The following EGFR variants were observed in gnomAD, a reference collection of about 807,000 sequenced individuals.
EGFR encodes epidermal growth factor receptor, also known as avian erythroblastic leukemia viral (v-erb-b) oncogene homolog.
A neutral mutation model predicts 143.0 loss-of-function variants in EGFR; 58 were observed. That is an observed-to-expected ratio of 0.41 (90% CI 0.33 to 0.50). EGFR has a LOEUF of 0.50. EGFR is among the 20% of genes least tolerant of loss of function. The pLI is 0.39. For missense variants in EGFR, 1,307 were observed against 1,579.0 expected (o/e 0.83, Z 2.92); for synonymous variants, 613 against 594.4 (o/e 1.03, Z -0.45).
At chr7:55,202,382 C>A in intron 26 of EGFR, 135 bp from the exon 27 acceptor site, 1 of 734,422 alleles carries the variant, frequency 1.4e-6, no homozygotes, top group Non-Finnish European at 2.3e-6. Flanking sequence ...CCAGCACCCA[C>A]CAGGGTGCAG....
At chr7:55,119,235 G>A (rs1793054645) in intron 1 of EGFR, 1 of 152,208 alleles carries the variant, frequency 6.6e-6, no homozygotes, top group Non-Finnish European at 1.5e-5. Flanking sequence ...TCCATACACA[G>A]TGTCTATCAT....
intron 1 of EGFR, among the ~76,000 whole-genome samples, chr7:55,030,520 T>C (rs1449413021): frequency 3.3e-5 from 5 of 152,218 alleles, no homozygotes; most frequent in Non-Finnish European, 7.3e-5. Context: ...TTTTCAACGT[T>C]GTGTCATCAA....
intron 1 of EGFR, among the ~76,000 whole-genome samples, chr7:55,041,177 C>A (rs1171325563): frequency 6.6e-6 from 1 of 152,240 alleles, no homozygotes; most frequent in African/African-American, 2.4e-5. Context: ...CTTTGGGAGT[C>A]TGAGGCGGGT....
intron 1 of EGFR, among the ~76,000 whole-genome samples, chr7:55,141,356 G>A (rs181943355): frequency 4.7e-4 from 71 of 152,150 alleles, no homozygotes; most frequent in Admixed American, 3.6e-3. Context: ...GGATCACCAC[G>A]TCCATTTCTA....
intron 1 of EGFR, among the ~76,000 whole-genome samples, chr7:55,023,416 G>T (rs1344706693): frequency 4.6e-5 from 7 of 152,068 alleles, no homozygotes; most frequent in African/African-American, 1.7e-4. Context: ...TTGGGAGGCC[G>T]AGGCAGGCGA....
At chr7:55,037,906 T>C (rs1787686987) in intron 1 of EGFR, among the ~76,000 whole-genome samples, 1 of 151,640 alleles carries the variant, frequency 6.6e-6, no homozygotes, top group Non-Finnish European at 1.5e-5. Flanking sequence ...TTTGGCTACA[T>C]GCTGGGAAGA....
Position 55,206,021 on chromosome 7 carries a change from T to A in EGFR, c.*404T>A. The A allele has an allele frequency of 1.1e-5, 4 of 379,528 alleles. No homozygotes were observed. Among genetic ancestry groups the A allele is most frequent in the South Asian group, 9.3e-5 (3 of 32,294 alleles). 23.5% of individuals were successfully genotyped at this position (379,528 alleles called of 1,614,324 possible). A position where few individuals can be genotyped will look rare whatever the true frequency, so the allele number is the denominator to read the frequency against. Reference sequence around the variant, plus strand: ...AAGGAAGAAGCTTGCTGGTAGCACTTGCTACCCTGAGTTCATCCAGGCCCA... The same window carrying A: ...AAGGAAGAAGCTTGCTGGTAGCACTAGCTACCCTGAGTTCATCCAGGCCCA... On this transcript the variant is annotated 3_prime_UTR_variant, in exon 28 of 28. Coordinates refer to ENST00000275493, the MANE Select transcript of EGFR (RefSeq NM_005228.5).
chr7:55,132,731 G>A (rs1029719936), intron 1 of EGFR, among the ~76,000 whole-genome samples: 4 of 152,202 alleles, frequency 2.6e-5, no homozygotes, highest in African/African-American at 9.7e-5. Flanking sequence ...TCCTGTGACT[G>A]TTTCATGTGT....
chr7:55,183,890 T>A (rs1238909897), intron 20 of EGFR, among the ~76,000 whole-genome samples: 1 of 152,132 alleles, frequency 6.6e-6, no homozygotes, highest in Non-Finnish European at 1.5e-5. Context: ...TTCTTAATCA[T>A]CTCCCAGTAA....
chr7:55,170,574 C>A (rs530043155), intron 15 of EGFR: 9 of 1,611,416 alleles, frequency 5.6e-6, no homozygotes, highest in African/African-American at 5.3e-5. Flanking sequence ...CTGTTCCCCC[C>A]GCTTTTCCTT....
chr7:55,127,294 TC>T (rs1005503079), intron 1 of EGFR, among the ~76,000 whole-genome samples: 20 of 152,040 alleles, frequency 1.3e-4, no homozygotes, highest in African/African-American at 4.8e-4. Flanking sequence ...CAGTCCAACC[TC>T]CCCCAAACCA....
Position 55,160,230 on chromosome 7 carries a change from T to A in EGFR, c.1390T>A (p.Ser464Thr), listed in dbSNP as rs746763556. The change falls in exon 12 of 28, where the codon TCA becomes ACA. Residue 464 changes from serine (S) to threonine (T), a missense_variant. By Grantham distance (58) the Ser-to-Thr change is moderately conservative. Around this residue, in one of 7 missense-constraint regions of EGFR, gnomAD observed 250 missense variants for 295.1 expected, o/e 0.85. Coordinates refer to ENST00000275493, the MANE Select transcript of EGFR (RefSeq NM_005228.5). ...KEISDGDVII[S>T]GNKNLCYANT... Reference sequence around the variant, plus strand: ...GATAAGTGATGGAGATGTGATAATTTCAGGAAACAAAAATTTGTGCTATGC... The same window carrying A: ...GATAAGTGATGGAGATGTGATAATTACAGGAAACAAAAATTTGTGCTATGC... 7.2e-5 allele frequency: 117 copies of A among 1,614,052 alleles called. No homozygotes were observed. Among genetic ancestry groups the A allele is most frequent in the Non-Finnish European group, 9.8e-5 (116 of 1,180,042 alleles).
At position 55,143,310 on chromosome 7, in the gene EGFR, C is replaced by T. The variant is rs1327280506; in HGVS notation, c.246C>T (p.Ile82=). The T allele has an allele frequency of 1.2e-6, 2 of 1,614,084 alleles. No individual in the cohort carries two copies. Among genetic ancestry groups the T allele is most frequent in the African/African-American group, 1.3e-5 (1 of 74,926 alleles). Residue 82 remains isoleucine, a synonymous_variant, in exon 3 of 28, where the codon ATC becomes ATT. Transcript: ENST00000275493. ...RNYDLSFLKT[I]QEVAGYVLIA... is the part of the protein sequence containing the mutation. ...TTTATGTTTTCTCTTCTTAGACCAT[C>T]CAGGAGGTGGCTGGTTATGTCCTCA...
At chr7:55,200,712 T>C (rs1203212618) in intron 24 of EGFR, 3 of 521,620 alleles carry the variant, frequency 5.8e-6, no homozygotes, top group Admixed American at 3.2e-5. Context: ...GCATGGTCTA[T>C]TGGGCTTTGG....
At chr7:55,175,276 C>CT (rs991063206) in intron 19 of EGFR, among the ~76,000 whole-genome samples, 13 of 152,166 alleles carry the variant, frequency 8.5e-5, no homozygotes, top group African/African-American at 2.9e-4. Flanking sequence ...TTTGAAATGG[C>CT]TTTTTTTAAA....
intron 1 of EGFR, among the ~76,000 whole-genome samples, chr7:55,130,001 T>A (rs900233952): frequency 6.6e-6 from 1 of 152,208 alleles, no homozygotes; most frequent in Non-Finnish European, 1.5e-5. Context: ...TTGCTTACAG[T>A]CTGTGGCTGC....
intron 1 of EGFR, among the ~76,000 whole-genome samples, chr7:55,040,003 A>G (rs925480319): frequency 3.3e-5 from 5 of 152,180 alleles, no homozygotes; most frequent in African/African-American, 1.2e-4. Flanking sequence ...CAGTTCTCTT[A>G]CTATACACTG....
chr7:55,055,845 T>C (rs934501540), intron 1 of EGFR, among the ~76,000 whole-genome samples: 1 of 152,184 alleles, frequency 6.6e-6, no homozygotes, highest in African/African-American at 2.4e-5. Context: ...TCTCAAGATG[T>C]TCACCTGCTT....
At chr7:55,117,934 C>A (rs1234530576) in intron 1 of EGFR, among the ~76,000 whole-genome samples, 1 of 152,156 alleles carries the variant, frequency 6.6e-6, no homozygotes, top group Non-Finnish European at 1.5e-5. Flanking sequence ...AGACATGCAC[C>A]TGTGCAGAAC....
Sources: gnomAD v4.1 joint callset for allele counts (sites outside exome capture counted in the v4.1 genomes callset) on GRCh38, gnomAD v4.1.1 for gene constraint, gnomAD v4.1.1 regional missense constraint, MANE v1.5 for transcripts, NCBI Gene and HGNC (gene_info 2026-07-23, HGNC 2026-07-21) for gene names.